Variants in FAM209B observed in about 807,000 individuals in gnomAD.
The protein encoded by FAM209B is protein FAM209B.
Under a neutral mutation model 8.9 loss-of-function variants are expected in FAM209B, and 8 were observed. The observed-to-expected ratio is 0.90, with a 90% CI of 0.53 to 1.62. The LOEUF (loss-of-function observed/expected upper bound fraction) is 1.62, where lower values mean the gene tolerates loss of function less well. Among genes scored for constraint, FAM209B ranks in the 40% most tolerant of loss-of-function variants. FAM209B has a pLI of 0.00. For synonymous variants in FAM209B, 67 were observed against 75.0 expected (o/e 0.89, Z 0.55); for missense variants, 175 against 205.3 (o/e 0.85, Z 0.90).
rs1985836609 is a variant in FAM209B, at chr20:56,533,331, C to A, written c.-11C>A. 6.2e-7 allele frequency: 1 copy of A among 1,613,472 alleles called. No individual in the cohort carries two copies. The highest frequency in any genetic ancestry group is 1.7e-5 in the Admixed American group (1 of 60,012). On this transcript the variant is annotated 5_prime_UTR_variant, in exon 1 of 2. Coordinates refer to ENST00000371325, the MANE Select transcript of FAM209B (RefSeq NM_001013646.4). ...CGTCATGAGCAACTCCCTTCCCCAT[C>A]TCTGCTCACCATGTGGACGCTGAAA...
Position 56,536,199 on chromosome 20 carries a change from T to C in FAM209B, c.277T>C (p.Phe93Leu). The C allele has an allele frequency of 6.4e-7, 1 of 1,565,960 alleles. No individual in the cohort carries two copies. The highest frequency in any genetic ancestry group is 1.4e-5 in the African/African-American group (1 of 73,174). Residue 93 changes from phenylalanine to leucine, a missense_variant, in exon 2 of 2, where the codon TTC becomes CTC. Physicochemically the swap from Phe to Leu is conservative, Grantham distance 22. Around this residue, in one of 2 missense-constraint regions of FAM209B, gnomAD observed 166 missense variants for 174.5 expected, o/e 0.95. Transcript: ENST00000371325. ...KEQSPPGLRG[F>L]PFRTPLKKNQ... Reference sequence around the variant, plus strand: ...GCAGAGTCCTCCTGGCCTTCGAGGCTTCCCATTTCGCACTCCACTAAAGAA... The same window carrying C: ...GCAGAGTCCTCCTGGCCTTCGAGGCCTCCCATTTCGCACTCCACTAAAGAA...
At chr20:56,534,422 C>G (rs1006621368) in intron 1 of FAM209B, among the ~76,000 whole-genome samples, 2 of 151,900 alleles carry the variant, frequency 1.3e-5, no homozygotes, top group Middle Eastern at 3.4e-3. Flanking sequence ...TGAGACCAGC[C>G]TGGCCAACAT....
rs1217738296 is a variant in FAM209B at position 56,536,029 on chromosome 20, G to T, written c.250-143G>T. 25 of 574,778 alleles carry T rather than the reference G, an allele frequency of 4.3e-5. No individual in the cohort carries two copies. The East Asian group carries it at 7.1e-4, about 16-fold the overall frequency. 35.6% of individuals were successfully genotyped at this position (574,778 alleles called of 1,614,324 possible). On this transcript the variant is annotated intron_variant, in intron 1 of 1. Coordinates refer to ENST00000371325, the MANE Select transcript of FAM209B (RefSeq NM_001013646.4). ...CTTTATTTACAAAAACAGGTGGAGG[G>T]CCAAATTTGGCCATAGTCTGCCAGT...
rs377132315 is a variant in FAM209B at position 56,533,593 on chromosome 20, A to G, written c.249+3A>G. ...AAAGAGACAGTGAGAAGAATAAGGT[A>G]AGGATGGCTCCATTTTTTTTACACC... On this transcript the variant is annotated splice_donor_region_variant and intron_variant, in intron 1 of 1. Coordinates refer to ENST00000371325, the MANE Select transcript of FAM209B (RefSeq NM_001013646.4). 1.2e-3 allele frequency: 1,900 copies of G among 1,613,618 alleles called. 10 individuals are homozygous for G. Among genetic ancestry groups the G allele is most frequent in the Non-Finnish European group, 9.2e-4 (1,087 of 1,179,622 alleles).
chr20:56,533,824 GTTC>G (rs1985865259), intron 1 of FAM209B, among the ~76,000 whole-genome samples: 1 of 152,282 alleles, frequency 6.6e-6, no homozygotes, highest in Admixed American at 6.5e-5. Flanking sequence ...TTGGCTCAAA[GTTC>G]TTCTGGTTAG....
At chr20:56,534,697 G>T (rs983162226) in intron 1 of FAM209B, among the ~76,000 whole-genome samples, 1 of 136,272 alleles carries the variant, frequency 7.3e-6, no homozygotes, top group East Asian at 2.2e-4. Context: ...GTAGTGAGCC[G>T]AGATGGAGCC....
In FAM209B at chr20:56,536,226, A is replaced by T; in HGVS notation, c.304A>T (p.Asn102Tyr). 2 of 1,592,680 alleles carry T rather than the reference A, an allele frequency of 1.3e-6. No individual in the cohort carries two copies. The highest frequency in any genetic ancestry group is 1.7e-6 in the Non-Finnish European group (2 of 1,169,018). ...CCCATTTCGCACTCCACTAAAGAAA[A>T]ATCAAAATGCTTCTCTTTACAAAGA... ...GFPFRTPLKK[N>Y]QNASLYKDCV... Residue 102 changes from asparagine (N) to tyrosine (Y), a missense_variant, in exon 2 of 2, where the codon AAT (asparagine) becomes TAT (tyrosine). Transcript: ENST00000371325.
chr20:56,535,221 CAA>C (rs879921841), intron 1 of FAM209B, among the ~76,000 whole-genome samples: 1 of 132,078 alleles, frequency 7.6e-6, no homozygotes, highest in African/African-American at 2.8e-5. Flanking sequence ...GACTCTGTCT[CAA>C]AAAAAAAAAA....
chr20:56,534,789 C>T (rs936697562), intron 1 of FAM209B, among the ~76,000 whole-genome samples: 4 of 145,832 alleles, frequency 2.7e-5, no homozygotes, highest in Non-Finnish European at 6.0e-5. Context: ...CCCAGTGGCT[C>T]ATGCCTGTAA....
Position 56,533,496 on chromosome 20 carries a change from C to T in FAM209B, c.155C>T (p.Thr52Ile), listed in dbSNP as rs556397486. ...ATTCGGCAGAACCTACCAGAGCACA[C>T]CCAAGGCTGGCTTGGGAGCAAATGG... Reference protein sequence around the residue: ...FRIRQNLPEHTQGWLGSKWLW... With the variant: ...FRIRQNLPEHIQGWLGSKWLW... Residue 52 changes from threonine to isoleucine, a missense_variant, in exon 1 of 2, where the codon ACC becomes ATC. Around this residue, in one of 2 missense-constraint regions of FAM209B, gnomAD observed 166 missense variants for 174.5 expected, o/e 0.95. Transcript: ENST00000371325. 2 of 1,614,198 alleles carry T rather than the reference C, an allele frequency of 1.2e-6. No individual in the cohort carries two copies. Among genetic ancestry groups the T allele is most frequent in the African/African-American group, 1.3e-5 (1 of 75,054 alleles).
intron 1 of FAM209B, among the ~76,000 whole-genome samples, chr20:56,534,434 G>A (rs1260496011): frequency 1.3e-5 from 2 of 151,754 alleles, no homozygotes; most frequent in African/African-American, 4.8e-5. Flanking sequence ...GGCCAACATG[G>A]TGAAACCTCG....
intron 1 of FAM209B, among the ~76,000 whole-genome samples, chr20:56,534,100 G>A (rs1013611711): frequency 2.6e-5 from 4 of 152,090 alleles, no homozygotes; most frequent in African/African-American, 4.8e-5. Context: ...AGGTTGTGGT[G>A]AGCTGAGATC....
chr20:56,534,859 G>C (rs1397474224), intron 1 of FAM209B, among the ~76,000 whole-genome samples: 1 of 149,898 alleles, frequency 6.7e-6, no homozygotes, highest in Non-Finnish European at 1.5e-5. Flanking sequence ...GTTGAGACCA[G>C]CCTGACCAAC....
chr20:56,534,135 G>A (rs535321881), intron 1 of FAM209B, among the ~76,000 whole-genome samples: 27 of 152,230 alleles, frequency 1.8e-4, no homozygotes, highest in Admixed American at 1.7e-3. Flanking sequence ...CTGCATGGGC[G>A]ACTGAGACTC....
chr20:56,534,235 A>G (rs1600854781), intron 1 of FAM209B, among the ~76,000 whole-genome samples: 1 of 152,060 alleles, frequency 6.6e-6, no homozygotes, highest in Non-Finnish European at 1.5e-5. Flanking sequence ...TGCTTTTTAC[A>G]TTTTTCCTAG....
Position 56,533,288 on chromosome 20 carries a change from T to C in FAM209B, c.-54T>C, listed in dbSNP as rs1985833341. 3.7e-6 allele frequency: 6 copies of C among 1,602,930 alleles called. No individual in the cohort carries two copies. The highest frequency in any genetic ancestry group is 5.1e-6 in the Non-Finnish European group (6 of 1,172,998). On this transcript the variant is annotated 5_prime_UTR_variant, in exon 1 of 2. Coordinates refer to ENST00000371325, the MANE Select transcript of FAM209B (RefSeq NM_001013646.4). ...GGCACCAGGTGCCCAGTCTTCCAGT[T>C]GCGAGGGCAAGCAAACCCGTCATGA...
rs146728602 is a variant in FAM209B, at chr20:56,533,550, T to G, written c.209T>G (p.Phe70Cys). 36 of 1,614,040 alleles carry G rather than the reference T, an allele frequency of 2.2e-5. No homozygotes were observed. The African/African-American group carries it at 4.8e-4, about 22-fold the overall frequency. Reference protein sequence around the residue: ...WLWLLFAVVPFVILQCQRDSE... With the variant: ...WLWLLFAVVPCVILQCQRDSE... ...TGGCTTTTGTTTGCTGTTGTGCCGT[T>G]TGTGATACTGCAGTGTCAAAGAGAC... Residue 70 changes from phenylalanine to cysteine, a missense_variant, in exon 1 of 2, where the codon TTT becomes TGT. This residue lies in a region of FAM209B where 166 missense variants were observed against 174.5 expected (regional missense o/e 0.95). Coordinates refer to ENST00000371325, the MANE Select transcript of FAM209B (RefSeq NM_001013646.4).
intron 1 of FAM209B, 62 bp from the exon 2 acceptor site, chr20:56,536,110 G>A: frequency 1.4e-6 from 2 of 1,386,628 alleles, no homozygotes; most frequent in Non-Finnish European, 1.9e-6. Flanking sequence ...CAACTGTCTT[G>A]GAACTGTGTC....
intron 1 of FAM209B, among the ~76,000 whole-genome samples, chr20:56,535,566 G>A (rs1157809147): frequency 6.6e-6 from 1 of 152,108 alleles, no homozygotes; most frequent in African/African-American, 2.4e-5. Flanking sequence ...ACTCCAGCCT[G>A]GGTGACAGGG....
Sources: allele counts gnomAD v4.1 joint callset (sites outside exome capture counted in the v4.1 genomes callset), GRCh38; gene constraint gnomAD v4.1.1; regional missense constraint gnomAD v4.1.1; transcripts MANE v1.5; gene names NCBI Gene and HGNC (gene_info 2026-07-23, HGNC 2026-07-21).